Variants in ELFN1 observed in about 807,000 individuals in gnomAD.
ELFN1 encodes protein ELFN1.
Under a neutral mutation model 7.6 loss-of-function variants are expected in ELFN1, and 6 were observed. The ratio of observed to expected loss-of-function variants is 0.79; its 90% CI spans 0.43 to 1.56. The LOEUF (loss-of-function observed/expected upper bound fraction) is 1.56. Ranked by LOEUF, ELFN1 falls within the 40% of genes most tolerant of loss-of-function variation. The pLI, the probability that ELFN1 is intolerant of heterozygous loss-of-function variation, is 0.01. For synonymous variants in ELFN1, 657 were observed against 588.1 expected, an observed-to-expected ratio of 1.12 and a Z score of -1.70; for missense variants, 1,169 against 1,232.2, an observed-to-expected ratio of 0.95 and a Z score of 0.77.
At chr7:1,738,733 A>T (rs1780522008) in intron 3 of ELFN1, 1 of 152,040 alleles carries the variant, frequency 6.6e-6, no homozygotes, top group African/African-American at 2.4e-5. Context: ...GCGTGGCCCG[A>T]GTCTGTCCAG....
chr7:1,745,106 G>A lies in ELFN1; in HGVS notation c.510G>A (p.Gln170=). ...ACCTGTCCATGAACCGCATCCAGCA[G>A]CTCAACAGCGGCACCTTCGCCGGCC... The part of the protein sequence containing the change: ...NIDLSMNRIQ[Q]LNSGTFAGLA... The change falls in exon 4 of 4, where the codon CAG becomes CAA. Residue 170 remains glutamine, a synonymous_variant. Coordinates refer to ENST00000424383, the MANE Select transcript of ELFN1 (RefSeq NM_001128636.4). 4 of 1,551,006 alleles carry A rather than the reference G, an allele frequency of 2.6e-6. No individual in the cohort carries two copies. The highest frequency in any genetic ancestry group is 1.4e-5 in the African/African-American group (1 of 73,168).
intron 3 of ELFN1, among the ~76,000 whole-genome samples, chr7:1,728,069 C>T (rs1780244218): frequency 2.0e-5 from 3 of 152,206 alleles, no homozygotes; most frequent in Admixed American, 2.0e-4. Flanking sequence ...AGAGGCAGGG[C>T]CGGACTTGGA....
At chr7:1,714,833 G>C (rs1048939500) in intron 3 of ELFN1, among the ~76,000 whole-genome samples, 9 of 152,244 alleles carry the variant, frequency 5.9e-5, no homozygotes, top group Non-Finnish European at 1.0e-4. Context: ...ACACTGCATG[G>C]TTGAACCCCA....
At chr7:1,734,155 G>A (rs974761511) in intron 3 of ELFN1, among the ~76,000 whole-genome samples, 1 of 152,206 alleles carries the variant, frequency 6.6e-6, no homozygotes, top group Non-Finnish European at 1.5e-5. Context: ...AGGGCGTGAT[G>A]AGGAAAGTGC....
chr7:1,679,005 G>C (rs1778924130), intron 1 of ELFN1, among the ~76,000 whole-genome samples: 1 of 152,136 alleles, frequency 6.6e-6, no homozygotes, highest in African/African-American at 2.4e-5. Context: ...GGAGAGGCCT[G>C]GGGACCCTGA....
At chr7:1,700,838 T>G (rs1476781132) in intron 2 of ELFN1, among the ~76,000 whole-genome samples, 1 of 152,224 alleles carries the variant, frequency 6.6e-6, no homozygotes, top group Non-Finnish European at 1.5e-5. Flanking sequence ...AAGCTTTCAT[T>G]TGAATTTCGC....
In ELFN1 at chr7:1,746,583, G is replaced by A. The variant is rs758631368; in HGVS notation, c.1987G>A (p.Ala663Thr). The A allele has an allele frequency of 1.9e-5, 25 of 1,345,984 alleles. No homozygotes were observed. In the South Asian group the frequency reaches 2.4e-4, roughly 13 times the overall value. 83.4% of individuals were successfully genotyped at this position (1,345,984 alleles called of 1,614,324 possible). A position where few individuals can be genotyped will look rare whatever the true frequency, so the allele number is the denominator to read the frequency against. Residue 663 changes from alanine to threonine, a missense_variant, in exon 4 of 4, where the codon GCG (alanine) becomes ACG (threonine). Coordinates refer to ENST00000424383, the MANE Select transcript of ELFN1 (RefSeq NM_001128636.4). Reference sequence around the variant, plus strand: ...CGAGGCCGTCGGGGTGCACAAGGCCGCGGCCGCCGAGGCCAAGTACATCGA... The same window carrying A: ...CGAGGCCGTCGGGGTGCACAAGGCCACGGCCGCCGAGGCCAAGTACATCGA... The part of the protein sequence containing the change: ...RAEAVGVHKA[A>T]AAEAKYIEKG...
At chr7:1,718,001 TTC>T (rs1440701499) in intron 3 of ELFN1, among the ~76,000 whole-genome samples, 1 of 152,186 alleles carries the variant, frequency 6.6e-6, no homozygotes. Context: ...AGAAGTTTAT[TTC>T]TCTTTCACAA....
chr7:1,669,349 G>A (rs1416998425), upstream of ELFN1, among the ~76,000 whole-genome samples: 1 of 152,160 alleles, frequency 6.6e-6, no homozygotes, highest in Non-Finnish European at 1.5e-5. Flanking sequence ...GAAGCGGGGA[G>A]GGGGCGCCGG....
At chr7:1,742,964 G>A (rs562393953) in intron 3 of ELFN1, among the ~76,000 whole-genome samples, 1 of 152,356 alleles carries the variant, frequency 6.6e-6, no homozygotes, top group East Asian at 1.9e-4. Context: ...CTCGGTGACA[G>A]AGGCCGACTG....
intron 1 of ELFN1, among the ~76,000 whole-genome samples, chr7:1,679,147 G>GCA (rs960588983): frequency 6.6e-6 from 1 of 151,456 alleles, no homozygotes; most frequent in Non-Finnish European, 1.5e-5. Flanking sequence ...ACGCGTGCGC[G>GCA]CACACACACA....
intron 3 of ELFN1, among the ~76,000 whole-genome samples, chr7:1,711,626 G>C (rs1779660738): frequency 9.6e-6 from 1 of 104,528 alleles, no homozygotes; most frequent in South Asian, 2.9e-4. Flanking sequence ...GAGAGAGAGA[G>C]AATGAGACAA....
At chr7:1,713,217 G>C (rs889244021) in intron 3 of ELFN1, among the ~76,000 whole-genome samples, 1 of 152,224 alleles carries the variant, frequency 6.6e-6, no homozygotes, top group Non-Finnish European at 1.5e-5. Context: ...TCTGTGCTGT[G>C]AGCCTCAGAG....
intron 2 of ELFN1, among the ~76,000 whole-genome samples, chr7:1,689,747 G>A (rs927052189): frequency 2.0e-5 from 3 of 152,194 alleles, no homozygotes; most frequent in African/African-American, 7.2e-5. Flanking sequence ...GCCCATTACA[G>A]GTGGCGAGTG....
chr7:1,675,337 G>T (rs1407538164), intron 1 of ELFN1, among the ~76,000 whole-genome samples: 2 of 152,188 alleles, frequency 1.3e-5, no homozygotes, highest in Admixed American at 6.5e-5. Flanking sequence ...CGGGGGCGGG[G>T]GTCTGTCCAC....
chr7:1,745,445 G>A lies in ELFN1; in HGVS notation c.849G>A (p.Glu283=). Residue 283 remains glutamate (E), a synonymous_variant, in exon 4 of 4, where the codon GAG becomes GAA. Coordinates refer to ENST00000424383, the MANE Select transcript of ELFN1 (RefSeq NM_001128636.4). ...GRSPPPPPPP[E]PSDMPCADDE... ...CCCCGCCGCCCCCGCCTCCGCCGGA[G>A]CCCAGTGACATGCCCTGTGCCGATG... 1.9e-6 allele frequency: 3 copies of A among 1,540,362 alleles called. No homozygotes were observed. The highest frequency in any genetic ancestry group is 2.4e-5 in the East Asian group (1 of 40,900).
In ELFN1 at chr7:1,747,342, C is replaced by A; in HGVS notation, c.*259C>A. On this transcript the variant is annotated 3_prime_UTR_variant, in exon 4 of 4. Coordinates refer to ENST00000424383, the MANE Select transcript of ELFN1 (RefSeq NM_001128636.4). ...CACACACACACACACACACGAGGGA[C>A]TTCGGAAAACTGTGTCTTAGGGATG... The A allele has an allele frequency of 5.1e-6, 1 of 194,694 alleles. No individual in the cohort carries two copies. The highest frequency in any genetic ancestry group is 9.5e-6 in the Non-Finnish European group (1 of 105,072). 12.1% of individuals were successfully genotyped at this position (194,694 alleles called of 1,614,324 possible). A position where few individuals can be genotyped will look rare whatever the true frequency, so the allele number is the denominator to read the frequency against.
chr7:1,678,556 C>A (rs940861847), intron 1 of ELFN1, among the ~76,000 whole-genome samples: 3 of 152,170 alleles, frequency 2.0e-5, no homozygotes, highest in African/African-American at 7.2e-5. Context: ...TCTGGGACAC[C>A]CTTGGGCCCC....
At chr7:1,717,699 A>T (rs1779876813) in intron 3 of ELFN1, among the ~76,000 whole-genome samples, 1 of 152,142 alleles carries the variant, frequency 6.6e-6, no homozygotes. Flanking sequence ...AGAGGGGCAC[A>T]GGGTGCTTTC....
Sources: allele counts gnomAD v4.1 joint callset (sites outside exome capture counted in the v4.1 genomes callset), GRCh38; gene constraint gnomAD v4.1.1; transcripts MANE v1.5; gene names NCBI Gene and HGNC (gene_info 2026-07-23, HGNC 2026-07-21).